ACOT7: variants seen among roughly 807,000 people sequenced by gnomAD.
The protein encoded by ACOT7 is cytosolic acyl coenzyme A thioester hydrolase.
ACOT7 carries 12 observed loss-of-function variants against 40.2 expected under a neutral mutation model. The observed-to-expected ratio is 0.30, with a 90% confidence interval of 0.19 to 0.48. The LOEUF (loss-of-function observed/expected upper bound fraction) is 0.48. ACOT7 is among the 20% of genes least tolerant of loss of function. The pLI is 0.99. For synonymous variants in ACOT7, 228 were observed against 219.5 expected (o/e 1.04, Z -0.34); for missense variants, 395 against 530.8 (o/e 0.74, Z 2.51).
chr1:6,350,743 A>G (rs3789477), intron 1 of ACOT7, among the ~76,000 whole-genome samples: 13 of 152,100 alleles, frequency 8.5e-5, no homozygotes, highest in Admixed American at 7.2e-4. Context: ...GCCTTGCTGG[A>G]CAGTGTGGGG....
intron 1 of ACOT7, among the ~76,000 whole-genome samples, chr1:6,363,579 T>A (rs1641936735): frequency 6.6e-6 from 1 of 152,094 alleles, no homozygotes; most frequent in Admixed American, 6.5e-5. Flanking sequence ...AAGTCCCTGA[T>A]ATGCAGAAAT....
chr1:6,370,453 GTTAGTA>G (rs1557671126), intron 1 of ACOT7, among the ~76,000 whole-genome samples: 1 of 144,294 alleles, frequency 6.9e-6, no homozygotes, highest in Non-Finnish European at 1.5e-5. Flanking sequence ...AATGAGCAGT[GTTAGTA>G]TTATTATTAT....
chr1:6,384,349 T>C lies in ACOT7; in HGVS notation c.143+8908A>G, dbSNP rs115216850. ...ACTAGCATGGCTAGAATTCAAAAGA[T>C]GGATAATAACAAGTGCTGACAAGGA... is the stretch of plus-strand genomic sequence containing the variant. On this transcript the variant is annotated intron_variant, in intron 1 of 8. Coordinates refer to ENST00000361521, the MANE Select transcript of ACOT7 (RefSeq NM_007274.4). Among the ~76,000 whole-genome samples the C allele has an allele frequency of 6.5e-3, 995 of 151,922 alleles. 25 individuals carry two copies. Among genetic ancestry groups the C allele is most frequent in the Non-Finnish European group, 0.01 (707 of 67,886 alleles).
chr1:6,313,205 G>A (rs986504073), intron 6 of ACOT7, among the ~76,000 whole-genome samples: 2 of 152,228 alleles, frequency 1.3e-5, no homozygotes, highest in Admixed American at 6.5e-5. Flanking sequence ...CCCAGAAACT[G>A]CAAACTACGT....
chr1:6,340,129 C>A, intron 2 of ACOT7, among the ~76,000 whole-genome samples: 1 of 152,180 alleles, frequency 6.6e-6, no homozygotes, highest in African/African-American at 2.4e-5. Flanking sequence ...CCATGCCCGG[C>A]TAATTTTTTT....
chr1:6,268,085 T>C (rs1369562381), intron 8 of ACOT7, among the ~76,000 whole-genome samples: 1 of 152,172 alleles, frequency 6.6e-6, no homozygotes, highest in Admixed American at 6.6e-5. Flanking sequence ...TGCCTGGGGC[T>C]GGGGGACCAG....
At position 6,393,533 on chromosome 1, in the gene ACOT7, C is replaced by G. The variant is rs1323982281; in HGVS notation, c.-134G>C. ...ACCCCGAGCCCCGCCTCCCAGGCCG[C>G]CAAGGCTGCAGAGAGCTCGCGCGGG... On this transcript the variant is annotated 5_prime_UTR_variant, in exon 1 of 9. Coordinates refer to ENST00000361521, the MANE Select transcript of ACOT7 (RefSeq NM_007274.4). 14 of 821,806 alleles carry G rather than the reference C, an allele frequency of 1.7e-5. No individual in the cohort carries two copies. Among genetic ancestry groups the G allele is most frequent in the Non-Finnish European group, 2.2e-5 (14 of 624,864 alleles). The allele number at this position is 821,806 out of a possible 1,614,324, so 50.9% of individuals were successfully genotyped here.
intron 6 of ACOT7, among the ~76,000 whole-genome samples, chr1:6,317,178 C>T (rs1640518752): frequency 6.6e-6 from 1 of 152,166 alleles, no homozygotes; most frequent in Non-Finnish European, 1.5e-5. Flanking sequence ...AACCACACAG[C>T]ACCTTCACAA....
In ACOT7 at chr1:6,383,956, G is replaced by T. The variant is rs545311160; in HGVS notation, c.143+9301C>A. On this transcript the variant is annotated intron_variant, in intron 1 of 8. Transcript: ENST00000361521. The stretch of plus-strand genomic sequence containing the variant: ...CCTGACCTCGTGATCCGCCCGCCTC[G>T]GCCTCCCAAAGTGCTGGGATTACAG... Among the ~76,000 whole-genome samples, 13 of 151,226 alleles carry T rather than the reference G, an allele frequency of 8.6e-5. No homozygotes were observed. The South Asian group carries it at 2.7e-3, about 32-fold the overall frequency.
At chr1:6,366,423 T>G (rs544222043) in intron 1 of ACOT7, among the ~76,000 whole-genome samples, 33 of 151,480 alleles carry the variant, frequency 2.2e-4, no homozygotes, top group African/African-American at 7.7e-4. Context: ...TCTCTAAAAA[T>G]AAAAATTAAA....
intron 3 of ACOT7, among the ~76,000 whole-genome samples, chr1:6,334,646 G>A (rs1399589514): frequency 3.3e-5 from 5 of 152,254 alleles, no homozygotes; most frequent in Admixed American, 2.6e-4. Context: ...ACTCCTTGGG[G>A]CACTGAGCCC....
chr1:6,379,507 C>T (rs909345509), intron 1 of ACOT7, among the ~76,000 whole-genome samples: 3 of 151,696 alleles, frequency 2.0e-5, no homozygotes, highest in Non-Finnish European at 4.4e-5. Flanking sequence ...ACCCAGGCCC[C>T]AGTGCAGTGC....
At chr1:6,349,659 G>C in intron 2 of ACOT7, 90 bp downstream of exon 2, 1 of 1,263,260 alleles carries the variant, frequency 7.9e-7, no homozygotes, top group East Asian at 2.5e-5. Flanking sequence ...GGGAGGGAAG[G>C]CTGCAGGCCT....
chr1:6,295,228 T>G (rs1051840042), intron 6 of ACOT7: 5 of 400,568 alleles, frequency 1.2e-5, no homozygotes, highest in Non-Finnish European at 2.3e-5. Context: ...GCCCTTTTCC[T>G]GTCCTCTACA....
chr1:6,377,216 C>T (rs1642248829), intron 1 of ACOT7, among the ~76,000 whole-genome samples: 1 of 151,982 alleles, frequency 6.6e-6, no homozygotes. Flanking sequence ...TAAATCAATC[C>T]TATATTCCAT....
chr1:6,308,801 G>GACTGGGCGGAGGGAAAAGCA (rs1447105319), intron 6 of ACOT7, among the ~76,000 whole-genome samples: 2 of 151,948 alleles, frequency 1.3e-5, no homozygotes, highest in Non-Finnish European at 2.9e-5. Context: ...AAGGAAAAGC[G>GACTGGGCGGAGGGAAAAGCA]ACTGGGCGGA....
At chr1:6,324,862 A>C (rs971530189) in intron 5 of ACOT7, among the ~76,000 whole-genome samples, 3 of 152,236 alleles carry the variant, frequency 2.0e-5, no homozygotes, top group African/African-American at 7.2e-5. Flanking sequence ...ATAAGGTCCC[A>C]TTCACAGGCT....
chr1:6,386,248 A>G (rs1642439463), intron 1 of ACOT7, among the ~76,000 whole-genome samples: 1 of 152,156 alleles, frequency 6.6e-6, no homozygotes, highest in South Asian at 2.1e-4. Context: ...GAAAATGCAG[A>G]TTCCTGGGCC....
In ACOT7 at chr1:6,358,948, AC is replaced by A; in HGVS notation, c.144-9083del. On this transcript the variant is annotated intron_variant, in intron 1 of 8. Coordinates refer to ENST00000361521, the MANE Select transcript of ACOT7 (RefSeq NM_007274.4). The surrounding 1 kb of genome is among the most constrained non-coding windows in gnomAD (Gnocchi z 4.1). Reference sequence around the variant, plus strand: ...CAGGACTGTCCCAGCTCCCTGCCACACCGGGCTTGGTGGGGAGCACCCCCCA... The same window carrying A: ...CAGGACTGTCCCAGCTCCCTGCCACACGGGCTTGGTGGGGAGCACCCCCCA... 1 of 1,520,864 alleles carries A rather than the reference AC, an allele frequency of 6.6e-7. No individual in the cohort carries two copies. The highest frequency in any genetic ancestry group is 8.9e-7 in the Non-Finnish European group (1 of 1,127,880). The allele number at this position is 1,520,864 out of a possible 1,614,324, so 94.2% of individuals were successfully genotyped here.
Sources: allele counts gnomAD v4.1 joint callset (sites outside exome capture counted in the v4.1 genomes callset), GRCh38; gene constraint gnomAD v4.1.1; non-coding constraint Gnocchi (gnomAD v3.1); transcripts MANE v1.5; gene names NCBI Gene and HGNC (gene_info 2026-07-23, HGNC 2026-07-21).